The following IMPDH1 variants were observed in gnomAD, a reference collection of about 807,000 sequenced individuals.
The protein encoded by IMPDH1 is inosine monophosphate dehydrogenase 1, also known as inosine-5'-monophosphate dehydrogenase 1.
In IMPDH1, 41 loss-of-function variants were observed where a neutral mutation model predicts 73.5. The ratio of observed to expected loss-of-function variants is 0.56; its 90% CI spans 0.43 to 0.72. The LOEUF (loss-of-function observed/expected upper bound fraction) is 0.72. Ranked by LOEUF, IMPDH1 falls within the 30% of genes least tolerant of loss-of-function variation. IMPDH1 has a pLI of 0.00. For synonymous variants in IMPDH1, 318 were observed against 334.3 expected (o/e 0.95, Z 0.53); for missense variants, 645 against 824.8 (o/e 0.78, Z 2.67).
chr7:128,404,292 A>T (rs1798550329), intron 4 of IMPDH1, among the ~76,000 whole-genome samples: 1 of 152,180 alleles, frequency 6.6e-6, no homozygotes, highest in African/African-American at 2.4e-5. Flanking sequence ...AGTGCAGGGC[A>T]TGTTCTGACA....
chr7:128,394,290 T>C lies in IMPDH1; in HGVS notation c.1766A>G (p.His589Arg), dbSNP rs1191029159. 9.9e-6 allele frequency: 16 copies of C among 1,613,942 alleles called. No homozygotes were observed. Among genetic ancestry groups the C allele is most frequent in the African/African-American group, 1.3e-5 (1 of 75,024 alleles). The change falls in exon 16 of 17, where the codon CAT (histidine) becomes CGT (arginine). Residue 589 changes from histidine to arginine, a missense_variant. By Grantham distance (29) the His-to-Arg change is conservative. Around this residue, in one of 2 missense-constraint regions of IMPDH1, gnomAD observed 459 missense variants for 638.2 expected, o/e 0.72. Coordinates refer to ENST00000338791, the MANE Select transcript of IMPDH1 (RefSeq NM_000883.4). The surrounding 1 kb of genome is among the most constrained non-coding windows in gnomAD (Gnocchi z 5.5). ...CCACCACACTTACGAGTGCAGGCCA[T>C]GGACACCACCCTCAATCTGGGCCGA... ...TMSAQIEGGV[H>R]GLHSYEKRLY
intron 9 of IMPDH1, among the ~76,000 whole-genome samples, chr7:128,399,150 G>A (rs1023187043): frequency 4.6e-5 from 7 of 152,102 alleles, no homozygotes; most frequent in African/African-American, 1.4e-4. Flanking sequence ...GATCACTTGA[G>A]GCCAGGAGTT....
At position 128,400,417 on chromosome 7, in the gene IMPDH1, G is replaced by A. The variant is rs755775157; in HGVS notation, c.702C>T (p.Thr234=). 6.2e-7 allele frequency: 1 copy of A among 1,612,468 alleles called. No individual in the cohort carries two copies. The highest frequency in any genetic ancestry group is 8.5e-7 in the Non-Finnish European group (1 of 1,179,890). ...CGATGCCCACCAGCTTGCTGCCCAT[G>A]GTGCCCGTCTCAGTGATGGGGATGC... ...FSGIPITETG[T]MGSKLVGIVT... The change falls in exon 8 of 17, where the codon ACC becomes ACT. Residue 234 remains threonine, a synonymous_variant. Transcript: ENST00000338791.
At chr7:128,393,085 C>T in intron 16 of IMPDH1, 57 bp from the exon 17 acceptor site, 1 of 1,592,016 alleles carries the variant, frequency 6.3e-7, no homozygotes, top group Non-Finnish European at 8.6e-7. Context: ...CTGCTCCTTC[C>T]CAAAACCCTT....
At chr7:128,393,305 G>A (rs1451939446) in intron 16 of IMPDH1, among the ~76,000 whole-genome samples, 1 of 152,220 alleles carries the variant, frequency 6.6e-6, no homozygotes, top group African/African-American at 2.4e-5. Flanking sequence ...TGCCCAGGGT[G>A]GAGGGACAGC....
intron 1 of IMPDH1, 60 bp downstream of exon 1, chr7:128,409,696 C>T (rs1799011216): frequency 6.6e-7 from 1 of 1,523,920 alleles, no homozygotes; most frequent in African/African-American, 1.4e-5. Flanking sequence ...CCCGGAGCCG[C>T]CGCGCCCTCC....
chr7:128,395,378 G>T (rs1797845093), intron 12 of IMPDH1, 104 bp from the exon 13 acceptor site: 1 of 1,357,980 alleles, frequency 7.4e-7, no homozygotes, highest in Admixed American at 1.7e-5. Flanking sequence ...CCTCTACTCA[G>T]GAAAAGGGAC....
At chr7:128,399,330 C>T (rs956234570) in intron 9 of IMPDH1, among the ~76,000 whole-genome samples, 20 of 151,150 alleles carry the variant, frequency 1.3e-4, no homozygotes, top group Admixed American at 1.1e-3. Flanking sequence ...CACACCACTG[C>T]ACTCCAGCCT....
At position 128,396,780 on chromosome 7, in the gene IMPDH1, AC is replaced by A. The variant is rs565650720; in HGVS notation, c.1166-86del. 550 of 1,244,010 alleles carry A rather than the reference AC, an allele frequency of 4.4e-4. 5 individuals carry two copies. The East Asian group carries it at 0.011, about 24-fold the overall frequency. 77.1% of individuals were successfully genotyped at this position (1,244,010 alleles called of 1,614,324 possible). On this transcript the variant is annotated intron_variant, in intron 11 of 16. Coordinates refer to ENST00000338791, the MANE Select transcript of IMPDH1 (RefSeq NM_000883.4). The surrounding 1 kb of genome is among the most constrained non-coding windows in gnomAD (Gnocchi z 4.0). ...CAGCCTCTTGGGACCCCAGTCTAGC[AC>A]CCCCCAACCCCCCTACAGTGACCAA...
At position 128,395,018 on chromosome 7, in the gene IMPDH1, A is replaced by G. The variant is rs1797814809; in HGVS notation, c.1421T>C (p.Leu474Pro). ...LGASTVMMGS[L>P]LAATTEAPGE... Reference sequence around the variant, plus strand: ...AGGGGCCTCCGTAGTGGCGGCCAGCAGGGAGCCCATCATCACTACAGTGGG... The same window carrying G: ...AGGGGCCTCCGTAGTGGCGGCCAGCGGGGAGCCCATCATCACTACAGTGGG... Residue 474 changes from leucine to proline, a missense_variant, in exon 14 of 17, where the codon CTG becomes CCG. Coordinates refer to ENST00000338791, the MANE Select transcript of IMPDH1 (RefSeq NM_000883.4). 1 of 1,613,888 alleles carries G rather than the reference A, an allele frequency of 6.2e-7. No individual in the cohort carries two copies. The highest frequency in any genetic ancestry group is 1.3e-5 in the African/African-American group (1 of 74,944).
Position 128,398,459 on chromosome 7 carries a change from G to A in IMPDH1, c.1029C>T (p.Tyr343=). 6.2e-7 allele frequency: 1 copy of A among 1,613,588 alleles called. No individual in the cohort carries two copies. Among genetic ancestry groups the A allele is most frequent in the Non-Finnish European group, 8.5e-7 (1 of 1,179,844 alleles). The change falls in exon 10 of 17, where the codon TAC becomes TAT. Residue 343 remains tyrosine, a synonymous_variant. Coordinates refer to ENST00000338791, the MANE Select transcript of IMPDH1 (RefSeq NM_000883.4). This position sits in a 1 kb window ranked among gnomAD's most constrained non-coding sequence, Gnocchi z 4.3. Reference sequence around the variant, plus strand: ...CCGCCTGGGTGAGCAGGTCCAGACGGTATTTGTCATCCTCACGGGTGCCCA... The same window carrying A: ...CCGCCTGGGTGAGCAGGTCCAGACGATATTTGTCATCCTCACGGGTGCCCA... The part of the protein sequence containing the change: ...AAVGTREDDK[Y]RLDLLTQAGV...
intron 5 of IMPDH1, among the ~76,000 whole-genome samples, chr7:128,401,776 G>A (rs1382532067): frequency 1.3e-5 from 2 of 152,168 alleles, no homozygotes; most frequent in Non-Finnish European, 2.9e-5. Flanking sequence ...AGGAAAGCAA[G>A]CAACGAATGG....
Position 128,396,582 on chromosome 7 carries a change from T to G in IMPDH1, c.1261+18A>C. Reference sequence around the variant, plus strand: ...GGCCCCGGGGCCAGCGGGCACTCGCTCACCTCCTGACACCCACCTTCCTGG... The same window carrying G: ...GGCCCCGGGGCCAGCGGGCACTCGCGCACCTCCTGACACCCACCTTCCTGG... On this transcript the variant is annotated intron_variant, in intron 12 of 16. Transcript: ENST00000338791. This position sits in a 1 kb window ranked among gnomAD's most constrained non-coding sequence, Gnocchi z 4.0. 6.5e-7 allele frequency: 1 copy of G among 1,541,314 alleles called. No individual in the cohort carries two copies. Among genetic ancestry groups the G allele is most frequent in the Non-Finnish European group, 8.8e-7 (1 of 1,138,642 alleles).
At chr7:128,408,369 G>A (rs989206643) in intron 3 of IMPDH1, among the ~76,000 whole-genome samples, 44 of 152,302 alleles carry the variant, frequency 2.9e-4, no homozygotes, top group Non-Finnish European at 3.2e-4. Context: ...GAGCTGGGTC[G>A]GGGGCATAGC....
chr7:128,395,960 G>A (rs1797885210), intron 12 of IMPDH1, among the ~76,000 whole-genome samples: 1 of 152,224 alleles, frequency 6.6e-6, no homozygotes, highest in African/African-American at 2.4e-5. Context: ...GCTGTTTGGG[G>A]TAGGAAAGGC....
chr7:128,405,647 G>C (rs72624950), intron 4 of IMPDH1, 120 bp downstream of exon 4: 1 of 1,355,266 alleles, frequency 7.4e-7, no homozygotes, highest in Non-Finnish European at 9.6e-7. Flanking sequence ...AGCCCCCAGC[G>C]CCCACAGCAG....
rs1797898880 is a variant in IMPDH1 at position 128,396,152 on chromosome 7, T to A, written c.1261+448A>T. ...ACATGCCAGGCTCCCCCCTTCCCAC[T>A]TCATGTTCAGGAACCCACCCTGCAA... On this transcript the variant is annotated intron_variant, in intron 12 of 16. Transcript: ENST00000338791. The surrounding 1 kb of genome is among the most constrained non-coding windows in gnomAD (Gnocchi z 4.0). Among the ~76,000 whole-genome samples the A allele has an allele frequency of 6.6e-6, 1 of 152,128 alleles. No individual in the cohort carries two copies. Among genetic ancestry groups the A allele is most frequent in the Non-Finnish European group, 1.5e-5 (1 of 68,018 alleles).
intron 3 of IMPDH1, among the ~76,000 whole-genome samples, chr7:128,408,702 T>C (rs555710345): frequency 2.0e-4 from 31 of 152,336 alleles, no homozygotes; most frequent in South Asian, 1.2e-3. Flanking sequence ...AACCAAGCAC[T>C]GCCTCTGTCA....
rs779143637 is a variant in IMPDH1, at chr7:128,398,432, G to A, written c.1056C>T (p.Gly352=). The change falls in exon 10 of 17, where the codon GGC becomes GGT. Residue 352 remains glycine, a synonymous_variant. Transcript: ENST00000338791. The surrounding 1 kb of genome is among the most constrained non-coding windows in gnomAD (Gnocchi z 4.3). ...GCCTTACCAAGACTATGACGTCGAC[G>A]CCCGCCTGGGTGAGCAGGTCCAGAC... ...KYRLDLLTQA[G]VDVIVLDSSQ... 16 of 1,613,090 alleles carry A rather than the reference G, an allele frequency of 9.9e-6. No homozygotes were observed. The highest frequency in any genetic ancestry group is 6.7e-5 in the East Asian group (3 of 44,882).
Sources: allele counts gnomAD v4.1 joint callset (sites outside exome capture counted in the v4.1 genomes callset), GRCh38; gene constraint gnomAD v4.1.1; regional missense constraint gnomAD v4.1.1; non-coding constraint Gnocchi (gnomAD v3.1); transcripts MANE v1.5; gene names NCBI Gene and HGNC (gene_info 2026-07-23, HGNC 2026-07-21).